CALCRL: variants seen among roughly 807,000 people sequenced by gnomAD.
The protein encoded by CALCRL is calcitonin receptor like receptor.
CALCRL carries 27 observed loss-of-function variants against 60.4 expected under a neutral mutation model. The ratio of observed to expected loss-of-function variants is 0.45; its 90% CI spans 0.33 to 0.62. The LOEUF (loss-of-function observed/expected upper bound fraction) is 0.62, where lower values mean the gene tolerates loss of function less well. Among genes scored for constraint, CALCRL ranks in the 20% least tolerant of loss-of-function variants. The probability of loss-of-function intolerance (pLI) is 0.03; values close to 1 mark genes in which losing one functional copy is unlikely to be tolerated. For synonymous variants in CALCRL, 190 were observed against 182.6 expected (o/e 1.04, Z -0.33); for missense variants, 424 against 540.7 (o/e 0.78, Z 2.14).
Position 187,346,178 on chromosome 2 carries a change from C to A in CALCRL, c.*6G>T, listed in dbSNP as rs1279661175. On this transcript the variant is annotated 3_prime_UTR_variant, in exon 15 of 15. Coordinates refer to ENST00000392370, the MANE Select transcript of CALCRL (RefSeq NM_005795.6). ...ACAAAACAGTGAGACAACCATCCTT[C>A]TATTTTCAATTATATAAATTTTCTG... 6.4e-7 allele frequency: 1 copy of A among 1,551,558 alleles called. No individual in the cohort carries two copies.
At chr2:187,385,883 T>TG (rs1688185542) in intron 3 of CALCRL, among the ~76,000 whole-genome samples, 2 of 152,040 alleles carry the variant, frequency 1.3e-5, no homozygotes, top group Non-Finnish European at 2.9e-5. Context: ...CCCAAGTAGA[T>TG]GGATTACAGG....
intron 12 of CALCRL, among the ~76,000 whole-genome samples, chr2:187,355,591 G>T (rs530978960): frequency 6.6e-6 from 1 of 152,024 alleles, no homozygotes; most frequent in Non-Finnish European, 1.5e-5. Flanking sequence ...CTGAAGAGAC[G>T]AATGAGGAAG....
At chr2:187,438,829 C>T (rs2105905836) in intron 1 of CALCRL, among the ~76,000 whole-genome samples, 1 of 152,134 alleles carries the variant, frequency 6.6e-6, no homozygotes, top group East Asian at 1.9e-4. Flanking sequence ...TAACTTTTTT[C>T]CTTTCAAAGT....
intron 1 of CALCRL, chr2:187,441,925 T>C (rs188701450): frequency 6.6e-6 from 1 of 151,760 alleles, no homozygotes; most frequent in Admixed American, 6.6e-5. Flanking sequence ...GTACTTACTG[T>C]ATAGTTTTTC....
chr2:187,418,859 C>CTTTT (rs369436031), intron 1 of CALCRL, among the ~76,000 whole-genome samples: 1 of 120,004 alleles, frequency 8.3e-6, no homozygotes, highest in Non-Finnish European at 1.7e-5. Context: ...TTCTTTTTTT[C>CTTTT]TTTTTTTTTT....
intron 1 of CALCRL, among the ~76,000 whole-genome samples, chr2:187,400,892 A>T (rs943281383): frequency 1.3e-5 from 2 of 151,562 alleles, no homozygotes; most frequent in Non-Finnish European, 3.0e-5. Flanking sequence ...GAGTGTGGCA[A>T]TAGAGAGTGA....
intron 1 of CALCRL, among the ~76,000 whole-genome samples, chr2:187,394,328 C>A (rs1415528408): frequency 1.3e-5 from 2 of 152,036 alleles, no homozygotes; most frequent in Admixed American, 6.6e-5. Context: ...GCAGCCCTGC[C>A]ATTACTTTTA....
At chr2:187,360,883 T>G in intron 9 of CALCRL, 132 bp from the exon 10 acceptor site, 1 of 729,458 alleles carries the variant, frequency 1.4e-6, no homozygotes, top group Non-Finnish European at 2.0e-6. Flanking sequence ...TGATTAGGAT[T>G]TGTGGAATGC....
intron 1 of CALCRL, among the ~76,000 whole-genome samples, chr2:187,397,189 A>G (rs1440876921): frequency 6.6e-6 from 1 of 151,710 alleles, no homozygotes; most frequent in Non-Finnish European, 1.5e-5. Context: ...ATTTTCATTT[A>G]TTTGCCGTAA....
intron 8 of CALCRL, among the ~76,000 whole-genome samples, chr2:187,375,047 T>C (rs1001651702): frequency 6.7e-6 from 1 of 148,294 alleles, no homozygotes; most frequent in Non-Finnish European, 1.5e-5. Context: ...CCGAGGCGGG[T>C]GGATCATGAG....
At position 187,387,335 on chromosome 2, in the gene CALCRL, G is replaced by A. The variant is rs1688248716; in HGVS notation, c.-43C>T. ...GCCCTCGCCAATGACTCACCTAGAA[G>A]TTGTAGCAATCTTGTTTTATAGCAA... On this transcript the variant is annotated 5_prime_UTR_variant, in exon 3 of 15. Coordinates refer to ENST00000392370, the MANE Select transcript of CALCRL (RefSeq NM_005795.6). 1 of 157,380 alleles carries A rather than the reference G, an allele frequency of 6.4e-6. No homozygotes were observed. Among genetic ancestry groups the A allele is most frequent in the African/African-American group, 2.4e-5 (1 of 41,698 alleles). The allele number at this position is 157,380 out of a possible 1,614,324, so 9.7% of individuals were successfully genotyped here.
intron 12 of CALCRL, among the ~76,000 whole-genome samples, chr2:187,358,584 C>G (rs567658832): frequency 1.3e-5 from 2 of 150,142 alleles, no homozygotes; most frequent in African/African-American, 4.9e-5. Context: ...TGTCTGTGAA[C>G]AGCTTCACCC....
chr2:187,419,456 C>T (rs1049501259), intron 1 of CALCRL, among the ~76,000 whole-genome samples: 1 of 152,090 alleles, frequency 6.6e-6, no homozygotes, highest in African/African-American at 2.4e-5. Context: ...TCTTGGACTT[C>T]CAGTTTCCAG....
At chr2:187,418,083 A>T (rs1461572882) in intron 1 of CALCRL, among the ~76,000 whole-genome samples, 3 of 152,122 alleles carry the variant, frequency 2.0e-5, no homozygotes, top group African/African-American at 7.2e-5. Flanking sequence ...AAAAGCTTTG[A>T]CGTTTTCTGT....
intron 1 of CALCRL, among the ~76,000 whole-genome samples, chr2:187,397,470 C>A (rs1451969705): frequency 6.6e-6 from 1 of 151,492 alleles, no homozygotes; most frequent in South Asian, 2.1e-4. Flanking sequence ...CAAATATGGA[C>A]TTCTTAAAGA....
chr2:187,373,080 T>A (rs1002210804), intron 8 of CALCRL, among the ~76,000 whole-genome samples: 1 of 152,128 alleles, frequency 6.6e-6, no homozygotes, highest in Non-Finnish European at 1.5e-5. Context: ...AAATAAGGCA[T>A]GGGCAAGTCT....
chr2:187,372,369 C>T (rs1395766211), intron 8 of CALCRL, among the ~76,000 whole-genome samples: 1 of 151,242 alleles, frequency 6.6e-6, no homozygotes, highest in African/African-American at 2.4e-5. Context: ...AGAATCATTA[C>T]GAGTAAGAGT....
rs190614782 is a variant in CALCRL at position 187,347,064 on chromosome 2, C to G, written c.1171-665G>C. 6.5e-4 allele frequency among the ~76,000 whole-genome samples: 98 copies of G among 151,860 alleles called. 1 individual carries two copies. Among genetic ancestry groups the G allele is most frequent in the African/African-American group, 2.2e-3 (93 of 41,476 alleles). On this transcript the variant is annotated intron_variant, in intron 14 of 14. Transcript: ENST00000392370. The stretch of plus-strand genomic sequence containing the variant: ...CACTCCATTTTTATATATTTGAATC[C>G]TCTTCTGCTGAATAAATTTGCAGTT...
At chr2:187,447,789 A>G (rs1691261059) in intron 1 of CALCRL, among the ~76,000 whole-genome samples, 1 of 152,092 alleles carries the variant, frequency 6.6e-6, no homozygotes, top group Admixed American at 6.6e-5. Flanking sequence ...ATGTCTTTTA[A>G]TCCATTTAGA....
Sources: gnomAD v4.1 joint callset for allele counts (sites outside exome capture counted in the v4.1 genomes callset) on GRCh38, gnomAD v4.1.1 for gene constraint, MANE v1.5 for transcripts, NCBI Gene and HGNC (gene_info 2026-07-23, HGNC 2026-07-21) for gene names.